DMD: variants seen among roughly 807,000 people sequenced by gnomAD.
DMD encodes mutant dystrophin.
In DMD, 63 loss-of-function variants were observed where a neutral mutation model predicts 330.1. The ratio of observed to expected loss-of-function variants is 0.19; its 90% confidence interval spans 0.16 to 0.24. DMD has a LOEUF of 0.24. DMD is among the 10% of genes least tolerant of loss of function. DMD has a pLI of 1.00. For missense variants in DMD, 3,344 were observed against 2,684.1 expected (o/e 1.25, Z -5.43); for synonymous variants, 1,223 against 959.8 (o/e 1.27, Z -5.07).
chrX:32,619,724 C>T (rs73463800), intron 11 of DMD, among the ~76,000 whole-genome samples: 11,610 of 111,228 alleles, frequency 0.1, 1,508 homozygotes, highest in African/African-American at 0.36. Flanking sequence ...AAATATGTTT[C>T]GCTCAGTAGA....
intron 64 of DMD, among the ~76,000 whole-genome samples, chrX:31,218,233 T>G (rs1232040784): frequency 2.8e-5 from 3 of 108,932 alleles, no homozygotes; most frequent in Admixed American, 9.8e-5. Flanking sequence ...TTTTTTTTTT[T>G]TTCCATAGTA....
In DMD at chrX:32,777,277, T is replaced by TGGCGG. The variant is rs1557019894; in HGVS notation, c.649+32215_649+32216insCCGCC. Among the ~76,000 whole-genome samples, 8 of 2,111 alleles carry TGGCGG rather than the reference T, an allele frequency of 3.8e-3. 2 individuals are homozygous for TGGCGG. Among genetic ancestry groups the TGGCGG allele is most frequent in the African/African-American group, 0.019 (6 of 323 alleles). The allele number at this position is 2,111 out of a possible 115,157, so 1.8% of individuals were successfully genotyped here. Reference sequence around the variant, plus strand: ...CTAGTTTTTAAGTTTGGTTTCTGGTTGGGGGGGGAATCCTACCAAGCTAGG... The same window carrying TGGCGG: ...CTAGTTTTTAAGTTTGGTTTCTGGTTGGCGGGGGGGGGGAATCCTACCAAGCTAGG... On this transcript the variant is annotated intron_variant, in intron 7 of 78. Transcript: ENST00000357033.
At chrX:32,517,799 T>A (rs1298673755) in intron 18 of DMD, 1 of 451,946 alleles carries the variant, frequency 2.2e-6, no homozygotes, top group Non-Finnish European at 3.9e-6. Flanking sequence ...ATGAAAGGCA[T>A]CCCTAGTCAG....
At chrX:31,631,026 G>C (rs991006571) in intron 54 of DMD, among the ~76,000 whole-genome samples, 1 of 110,973 alleles carries the variant, frequency 9.0e-6, no homozygotes. Context: ...TGTAAATAAG[G>C]GCAGCATGAA....
intron 7 of DMD, among the ~76,000 whole-genome samples, chrX:32,704,112 T>G (rs2064381017): frequency 8.9e-6 from 1 of 111,824 alleles, no homozygotes; most frequent in Non-Finnish European, 1.9e-5. Flanking sequence ...ATGGAACAAA[T>G]AAATCATTTA....
intron 34 of DMD, among the ~76,000 whole-genome samples, chrX:32,377,174 T>C (rs2097906546): frequency 9.0e-6 from 1 of 111,714 alleles, no homozygotes; most frequent in Non-Finnish European, 1.9e-5. Context: ...AGACTCAGTA[T>C]TATCATTAAC....
At chrX:32,511,411 AC>A (rs1312181394) in intron 18 of DMD, among the ~76,000 whole-genome samples, 1 of 106,331 alleles carries the variant, frequency 9.4e-6, no homozygotes, top group African/African-American at 3.5e-5. Context: ...AGTCCCAGCT[AC>A]TCGGGAGGCT....
At chrX:33,184,420 A>T (rs771029823) in intron 1 of DMD, among the ~76,000 whole-genome samples, 1 of 111,484 alleles carries the variant, frequency 9.0e-6, no homozygotes, top group Non-Finnish European at 1.9e-5. Flanking sequence ...AGGCACATTT[A>T]TTTTGAAATT....
intron 1 of DMD, among the ~76,000 whole-genome samples, chrX:33,184,209 A>T (rs2050136579): frequency 8.9e-6 from 1 of 112,278 alleles, no homozygotes; most frequent in African/African-American, 3.2e-5. Context: ...GTTTTAGTGG[A>T]ATAAATTATT....
chrX:32,691,546 G>A (rs1225416217), intron 9 of DMD, among the ~76,000 whole-genome samples: 1 of 111,316 alleles, frequency 9.0e-6, no homozygotes, highest in African/African-American at 3.3e-5. Flanking sequence ...TGGAACTATT[G>A]TACACCGTTG....
chrX:33,299,616 G>A (rs2053633277), intron 1 of DMD, among the ~76,000 whole-genome samples: 1 of 111,385 alleles, frequency 9.0e-6, no homozygotes, highest in African/African-American at 3.3e-5. Context: ...ACAGTCTAGG[G>A]GTGGACAGGT....
At chrX:32,698,528 C>G (rs1053300827) in intron 8 of DMD, among the ~76,000 whole-genome samples, 5 of 111,544 alleles carry the variant, frequency 4.5e-5, no homozygotes, top group African/African-American at 1.6e-4. Context: ...TCCAAACCAC[C>G]CACTGTTGAG....
intron 20 of DMD, among the ~76,000 whole-genome samples, chrX:32,488,242 T>G (rs1291027563): frequency 1.8e-5 from 2 of 111,967 alleles, no homozygotes; most frequent in African/African-American, 6.5e-5. Context: ...GGATTTGGTT[T>G]AGTTGGTCCT....
chrX:31,712,013 G>C (rs1044938150), intron 52 of DMD, among the ~76,000 whole-genome samples: 3 of 110,895 alleles, frequency 2.7e-5, no homozygotes, highest in African/African-American at 9.8e-5. Flanking sequence ...ACATGGTCTT[G>C]AAGCATATTT....
At chrX:32,705,833 C>G (rs2064578266) in intron 7 of DMD, among the ~76,000 whole-genome samples, 1 of 110,562 alleles carries the variant, frequency 9.0e-6, no homozygotes, top group African/African-American at 3.3e-5. Flanking sequence ...TCTCAGGGAT[C>G]TAGAACTAGA....
At chrX:32,565,651 G>A in intron 16 of DMD, 51 bp downstream of exon 16, 1 of 1,153,000 alleles carries the variant, frequency 8.7e-7, no homozygotes, top group Non-Finnish European at 1.2e-6. Flanking sequence ...CTTAATGCAG[G>A]TTTAAAAAAT....
At chrX:33,260,250 C>A (rs2052932674) in intron 1 of DMD, among the ~76,000 whole-genome samples, 1 of 111,093 alleles carries the variant, frequency 9.0e-6, no homozygotes. Flanking sequence ...TGGATTTTGG[C>A]CATTCTAAGA....
intron 44 of DMD, among the ~76,000 whole-genome samples, chrX:31,981,609 G>A (rs1056334139): frequency 1.3e-4 from 15 of 111,629 alleles, no homozygotes; most frequent in African/African-American, 4.9e-4. Flanking sequence ...CCAGAAAGAC[G>A]AAGGTTCACT....
chrX:31,433,057 T>C (rs2064196498), intron 60 of DMD, among the ~76,000 whole-genome samples: 1 of 111,820 alleles, frequency 8.9e-6, no homozygotes, highest in Non-Finnish European at 1.9e-5. Flanking sequence ...TCCCACACCC[T>C]CCTGCCCTTG....
Sources: allele counts gnomAD v4.1 joint callset (sites outside exome capture counted in the v4.1 genomes callset), GRCh38; gene constraint gnomAD v4.1.1; transcripts MANE v1.5; gene names NCBI Gene and HGNC (gene_info 2026-07-23, HGNC 2026-07-21).